Variants in MICU3 observed in about 807,000 individuals in gnomAD.
The protein encoded by MICU3 is mitochondrial calcium uptake 3.
Under a neutral mutation model 66.5 loss-of-function variants are expected in MICU3, and 62 were observed. The observed-to-expected ratio is 0.93, with a 90% CI of 0.76 to 1.15. MICU3 has a LOEUF of 1.15. Among genes scored for constraint, MICU3 ranks in the 50% most tolerant of loss-of-function variants. The probability of loss-of-function intolerance (pLI) is 0.00; values close to 1 mark genes in which losing one functional copy is unlikely to be tolerated. For synonymous variants in MICU3, 308 were observed against 240.7 expected, an observed-to-expected ratio of 1.28 and a Z score of -2.59; for missense variants, 779 against 664.4, an observed-to-expected ratio of 1.17 and a Z score of -1.90.
intron 1 of MICU3, among the ~76,000 whole-genome samples, chr8:17,050,834 A>G (rs555960970): frequency 4.1e-4 from 62 of 152,302 alleles, no homozygotes; most frequent in Non-Finnish European, 7.5e-4. Context: ...AAAACGCAGT[A>G]TAAGAGTTGC....
intron 6 of MICU3, among the ~76,000 whole-genome samples, chr8:17,085,947 T>C (rs533425033): frequency 6.6e-6 from 1 of 152,160 alleles, no homozygotes; most frequent in East Asian, 1.9e-4. Flanking sequence ...ATTTTGCATC[T>C]CTTTTTGTGA....
chr8:17,066,106 A>T (rs554862830), intron 2 of MICU3, among the ~76,000 whole-genome samples: 1 of 151,878 alleles, frequency 6.6e-6, no homozygotes, highest in Non-Finnish European at 1.5e-5. Context: ...TAAGGCTGTG[A>T]TAAGTGTTAT....
chr8:17,053,270 C>T lies in MICU3; in HGVS notation c.382-10814C>T, dbSNP rs377698619. On this transcript the variant is annotated intron_variant, in intron 1 of 14. Transcript: ENST00000318063. ...ATTGCCTCTTTTAGGGTATTATCAGCTGGTAGGCGTAAGTTTCTCTAATTG... is the reference window on the plus strand; with the variant it reads ...ATTGCCTCTTTTAGGGTATTATCAGTTGGTAGGCGTAAGTTTCTCTAATTG... Among the ~76,000 whole-genome samples the T allele has an allele frequency of 2.4e-3, 361 of 152,246 alleles. 3 individuals are homozygous for T. In the South Asian group the frequency reaches 0.027, roughly 11 times the overall value.
chr8:17,040,927 A>G (rs563339390), intron 1 of MICU3, among the ~76,000 whole-genome samples: 1 of 152,308 alleles, frequency 6.6e-6, no homozygotes, highest in South Asian at 2.1e-4. Context: ...ATTTGCTGCA[A>G]TTCACTGAGA....
In MICU3 at chr8:17,066,517, C is replaced by CTATATATATATATATATA. The variant is rs71212675; in HGVS notation, c.535+2287_535+2304dup. On this transcript the variant is annotated intron_variant, in intron 2 of 14. Transcript: ENST00000318063. ...TATTCTTTAAGTGATTGTTAATAAT[C>CTATATATATATATATATA]TATATATATATATATATATATATAG... 3.1e-4 allele frequency among the ~76,000 whole-genome samples: 33 copies of CTATATATATATATATATA among 105,006 alleles called. 1 individual carries two copies. Among genetic ancestry groups the CTATATATATATATATATA allele is most frequent in the African/African-American group, 1.3e-3 (31 of 24,528 alleles). The allele number at this position is 105,006 out of a possible 152,430, so 68.9% of individuals were successfully genotyped here.
chr8:17,036,009 G>C (rs1812912378), intron 1 of MICU3, among the ~76,000 whole-genome samples: 2 of 152,178 alleles, frequency 1.3e-5, no homozygotes. Flanking sequence ...CGGAATTGAT[G>C]GGTTCTTGGT....
At chr8:17,054,163 C>T (rs925050586) in intron 1 of MICU3, among the ~76,000 whole-genome samples, 6 of 152,080 alleles carry the variant, frequency 3.9e-5, no homozygotes, top group Admixed American at 1.3e-4. Flanking sequence ...TTTTCCTATT[C>T]GGTGAAAAAT....
intron 1 of MICU3, among the ~76,000 whole-genome samples, chr8:17,050,861 G>T (rs1174514346): frequency 1.3e-5 from 2 of 151,888 alleles, no homozygotes; most frequent in African/African-American, 4.8e-5. Context: ...TCAATGGGGG[G>T]GTTTAAACCT....
intron 7 of MICU3, 35 bp downstream of exon 7, chr8:17,087,070 T>C (rs770324407): frequency 1.6e-6 from 2 of 1,283,944 alleles, no homozygotes; most frequent in East Asian, 2.3e-5. Context: ...AGGTGGCTTT[T>C]GTAGGCAACA....
At chr8:17,064,865 T>G (rs1318093160) in intron 2 of MICU3, among the ~76,000 whole-genome samples, 1 of 152,102 alleles carries the variant, frequency 6.6e-6, no homozygotes, top group Non-Finnish European at 1.5e-5. Flanking sequence ...CCTTTTTAGA[T>G]TATTATAGGT....
intron 1 of MICU3, among the ~76,000 whole-genome samples, chr8:17,041,337 AAGCAGTCAGTTATACTGAAAGCTAT>A (rs1814050198): frequency 6.6e-6 from 1 of 152,120 alleles, no homozygotes; most frequent in Non-Finnish European, 1.5e-5. Context: ...TTCGGAAAGG[AAGCAGTCAGTTATACTGAAAGCTAT>A]CCAAGGAGGT....
At chr8:17,078,967 A>T (rs1820780428) in intron 4 of MICU3, among the ~76,000 whole-genome samples, 1 of 152,206 alleles carries the variant, frequency 6.6e-6, no homozygotes, top group African/African-American at 2.4e-5. Context: ...AGGATCAAGT[A>T]AGTATGGTGA....
intron 4 of MICU3, among the ~76,000 whole-genome samples, chr8:17,079,010 G>A (rs986728573): frequency 6.6e-6 from 1 of 152,060 alleles, no homozygotes; most frequent in African/African-American, 2.4e-5. Flanking sequence ...TACCTCATGG[G>A]AAAATACAAA....
intron 3 of MICU3, among the ~76,000 whole-genome samples, chr8:17,070,181 C>G (rs1004914367): frequency 6.6e-6 from 1 of 151,808 alleles, no homozygotes; most frequent in South Asian, 2.1e-4. Context: ...TGCTTATATG[C>G]AGGAGAGGTT....
chr8:17,050,599 T>G (rs1815910633), intron 1 of MICU3, among the ~76,000 whole-genome samples: 1 of 152,186 alleles, frequency 6.6e-6, no homozygotes, highest in Non-Finnish European at 1.5e-5. Context: ...TTGAGATCTA[T>G]TCAAGTCTCA....
the MICU3 span, chr8:17,133,015 A>C: frequency 6.6e-6 from 1 of 152,260 alleles, no homozygotes; most frequent in African/African-American, 2.4e-5. Flanking sequence ...GCAGAAAGCA[A>C]GCCCTCGCCA....
intron 1 of MICU3, among the ~76,000 whole-genome samples, chr8:17,034,789 G>C (rs971728468): frequency 5.3e-5 from 8 of 152,330 alleles, no homozygotes; most frequent in Admixed American, 2.6e-4. Flanking sequence ...CTCTATGAAT[G>C]AGCAAAGAAA....
Position 17,064,160 on chromosome 8 carries a change from C to T in MICU3, c.458C>T (p.Ala153Val). The T allele has an allele frequency of 6.2e-7, 1 of 1,613,208 alleles. No individual in the cohort carries two copies. The highest frequency in any genetic ancestry group is 8.5e-7 in the Non-Finnish European group (1 of 1,179,410). ...CGGGAGAGGCGATTTCGTTTATTTGCTTCTATAGAATGTGAAGGGCAGTTA... is the reference window on the plus strand; with the variant it reads ...CGGGAGAGGCGATTTCGTTTATTTGTTTCTATAGAATGTGAAGGGCAGTTA... ...TSRERRFRLF[A>V]SIECEGQLFM... The change falls in exon 2 of 15, where the codon GCT becomes GTT. Residue 153 changes from alanine to valine, a missense_variant. By Grantham distance (64) the Ala-to-Val change is moderately conservative (BLOSUM62 0). Transcript: ENST00000318063.
chr8:17,035,002 G>C (rs1812732210), intron 1 of MICU3, among the ~76,000 whole-genome samples: 1 of 152,180 alleles, frequency 6.6e-6, no homozygotes, highest in Non-Finnish European at 1.5e-5. Context: ...GGAGGTGATT[G>C]AATCATGGGG....
Sources: gnomAD v4.1 joint callset for allele counts (sites outside exome capture counted in the v4.1 genomes callset) on GRCh38, gnomAD v4.1.1 for gene constraint, MANE v1.5 for transcripts, NCBI Gene and HGNC (gene_info 2026-07-23, HGNC 2026-07-21) for gene names.